Variants in STXBP5 observed in about 807,000 individuals in gnomAD.
The protein encoded by STXBP5 is syntaxin-binding protein 5.
In STXBP5, 50 loss-of-function variants were observed where a neutral mutation model predicts 152.4. The observed-to-expected ratio is 0.33, with a 90% CI of 0.26 to 0.42. STXBP5 has a LOEUF of 0.42. Among genes scored for constraint, STXBP5 ranks in the 10% least tolerant of loss-of-function variants. The probability of loss-of-function intolerance (pLI) is 1.00; values close to 1 mark genes in which losing one functional copy is unlikely to be tolerated. For synonymous variants in STXBP5, 492 were observed against 494.7 expected (o/e 0.99, Z 0.07); for missense variants, 1,167 against 1,388.6 (o/e 0.84, Z 2.54).
chr6:147,314,160 A>C, intron 12 of STXBP5, 104 bp from the exon 13 acceptor site: 7 of 1,428,670 alleles, frequency 4.9e-6, no homozygotes, highest in Non-Finnish European at 6.8e-6. Flanking sequence ...TGCAAGCAAA[A>C]TATGTTTTTC....
rs556741087 is a variant in STXBP5, at chr6:147,205,441, C to CA, written c.151-525dup. Among the ~76,000 whole-genome samples, 561 of 149,670 alleles carry CA rather than the reference C, an allele frequency of 3.7e-3. 2 individuals carry two copies. Among genetic ancestry groups the CA allele is most frequent in the African/African-American group, 0.013 (538 of 40,490 alleles). On this transcript the variant is annotated intron_variant, in intron 1 of 27. Transcript: ENST00000321680. ...TGATTATGGCCTTAATAGTAAATTGCAAAAATGTATGTTGTACTCATCTTC... is the reference window on the plus strand; with the variant it reads ...TGATTATGGCCTTAATAGTAAATTGCAAAAAATGTATGTTGTACTCATCTTC...
chr6:147,386,677 C>A lies in STXBP5; in HGVS notation c.*1922C>A, dbSNP rs942655913. 16 of 151,786 alleles carry A rather than the reference C, an allele frequency of 1.1e-4. No individual in the cohort carries two copies. The highest frequency in any genetic ancestry group is 3.9e-4 in the African/African-American group (16 of 41,396). 9.4% of individuals were successfully genotyped at this position (151,786 alleles called of 1,614,324 possible). On this transcript the variant is annotated 3_prime_UTR_variant, in exon 28 of 28. Coordinates refer to ENST00000321680, the MANE Select transcript of STXBP5 (RefSeq NM_001127715.4). ...TTATAAATTGCTTAATTTGTGTTAT[C>A]TATTATCCAGTAAACCCATAGTTCC...
At chr6:147,309,372 G>A (rs1367294564) in intron 9 of STXBP5, among the ~76,000 whole-genome samples, 1 of 152,026 alleles carries the variant, frequency 6.6e-6, no homozygotes, top group African/African-American at 2.4e-5. Context: ...CAAATGCGTG[G>A]AAATATACTC....
chr6:147,248,069 C>T (rs140618972), intron 4 of STXBP5, among the ~76,000 whole-genome samples: 5,366 of 152,194 alleles, frequency 0.035, 145 homozygotes, highest in Admixed American at 0.054. Context: ...CACCTGAGGT[C>T]AGGAGTTCAA....
In STXBP5 at chr6:147,285,411, G is replaced by C. The variant is rs189152025; in HGVS notation, c.839-5683G>C. Among the ~76,000 whole-genome samples, 76 of 151,770 alleles carry C rather than the reference G, an allele frequency of 5.0e-4. 1 individual carries two copies. The highest frequency in any genetic ancestry group is 4.7e-4 in the Non-Finnish European group (32 of 67,874). ...ATAGATGAATAAATAAACCTATCTA[G>C]ACCATAAGCAGTAATCAGAGACATT... On this transcript the variant is annotated intron_variant, in intron 8 of 27. Coordinates refer to ENST00000321680, the MANE Select transcript of STXBP5 (RefSeq NM_001127715.4).
At chr6:147,368,995 A>G (rs1785422316) in intron 25 of STXBP5, among the ~76,000 whole-genome samples, 1 of 151,956 alleles carries the variant, frequency 6.6e-6, no homozygotes, top group South Asian at 2.1e-4. Context: ...AATTTATCCT[A>G]AAATTCATAC....
chr6:147,384,633 T>C, intron 27 of STXBP5, 81 bp from the exon 28 acceptor site: 1 of 1,425,192 alleles, frequency 7.0e-7, no homozygotes, highest in Non-Finnish European at 9.8e-7. Flanking sequence ...ACATAATGTT[T>C]TGGAAAAATA....
chr6:147,389,366 C>T lies in STXBP5; in HGVS notation c.*4611C>T, dbSNP rs767007750. On this transcript the variant is annotated 3_prime_UTR_variant, in exon 28 of 28. Transcript: ENST00000321680. ...GAATTAAATGATTTTAATAACTTCC[C>T]AATTACCAGGGTTATAACATTGCTT... The T allele has an allele frequency of 6.6e-6, 1 of 151,740 alleles. No homozygotes were observed. Among genetic ancestry groups the T allele is most frequent in the African/African-American group, 2.4e-5 (1 of 41,400 alleles). 9.4% of individuals were successfully genotyped at this position (151,740 alleles called of 1,614,324 possible). A position where few individuals can be genotyped will look rare whatever the true frequency, so the allele number is the denominator to read the frequency against.
At chr6:147,354,484 A>G (rs1784729430) in intron 22 of STXBP5, among the ~76,000 whole-genome samples, 1 of 151,986 alleles carries the variant, frequency 6.6e-6, no homozygotes, top group Non-Finnish European at 1.5e-5. Context: ...AAACAGGTAT[A>G]ATTTGAAAAC....
At chr6:147,364,487 CT>C (rs1785204815) in intron 25 of STXBP5, among the ~76,000 whole-genome samples, 1 of 152,136 alleles carries the variant, frequency 6.6e-6, no homozygotes, top group Non-Finnish European at 1.5e-5. Context: ...ACACACAGTC[CT>C]TTTTAAAGAA....
In STXBP5 at chr6:147,364,224, C is replaced by T. The variant is rs144606140; in HGVS notation, c.3081+58C>T. On this transcript the variant is annotated intron_variant, in intron 25 of 27. Transcript: ENST00000321680. ...AGAGGTAAAGTATTCTCTGAGGGCC[C>T]GTATACTGTCTGCCCCTTATTCTCA... 810 of 1,448,464 alleles carry T rather than the reference C, an allele frequency of 5.6e-4. 4 individuals carry two copies. In the East Asian group the frequency reaches 0.012, roughly 22 times the overall value. The allele number at this position is 1,448,464 out of a possible 1,614,324, so 89.7% of individuals were successfully genotyped here.
chr6:147,314,523 T>A, intron 13 of STXBP5, 73 bp from the exon 14 acceptor site: 10 of 1,495,886 alleles, frequency 6.7e-6, no homozygotes, highest in Non-Finnish European at 9.1e-6. Flanking sequence ...GTTGACTTTT[T>A]AATAGCAGTA....
chr6:147,276,222 C>A (rs1348786000), intron 7 of STXBP5, among the ~76,000 whole-genome samples: 1 of 152,078 alleles, frequency 6.6e-6, no homozygotes, highest in Non-Finnish European at 1.5e-5. Context: ...TTAGAAAACA[C>A]GTCTTGTATT....
intron 2 of STXBP5, among the ~76,000 whole-genome samples, chr6:147,226,750 G>A (rs1048711868): frequency 2.6e-5 from 4 of 152,102 alleles, no homozygotes; most frequent in African/African-American, 9.7e-5. Context: ...AGACCTAACT[G>A]TTATATTGCT....
At chr6:147,236,437 CAG>C (rs1173513928) in intron 3 of STXBP5, among the ~76,000 whole-genome samples, 2 of 152,074 alleles carry the variant, frequency 1.3e-5, no homozygotes, top group African/African-American at 2.4e-5. Context: ...AAAATAGTTT[CAG>C]AGAGAGTCTG....
chr6:147,231,176 C>T (rs1337601021), intron 2 of STXBP5, among the ~76,000 whole-genome samples: 1 of 151,772 alleles, frequency 6.6e-6, no homozygotes, highest in East Asian at 1.9e-4. Flanking sequence ...TATTCATTAA[C>T]TGCTAGTTTT....
chr6:147,289,792 A>T (rs1337709784), intron 8 of STXBP5, among the ~76,000 whole-genome samples: 4 of 152,198 alleles, frequency 2.6e-5, no homozygotes, highest in Admixed American at 2.0e-4. Context: ...TACGCTGCTG[A>T]TAGAACTATA....
intron 2 of STXBP5, 33 bp downstream of exon 2, chr6:147,206,101 T>C (rs748792851): frequency 8.3e-6 from 13 of 1,574,794 alleles, no homozygotes; most frequent in Middle Eastern, 1.7e-4. Flanking sequence ...TTTTAACTTC[T>C]ACTTTGTTCT....
intron 25 of STXBP5, among the ~76,000 whole-genome samples, chr6:147,370,887 A>T (rs1276416456): frequency 6.6e-6 from 1 of 152,042 alleles, no homozygotes; most frequent in Non-Finnish European, 1.5e-5. Context: ...AAATGATTAA[A>T]ATCAGTGATT....
Sources: allele counts gnomAD v4.1 joint callset (sites outside exome capture counted in the v4.1 genomes callset), GRCh38; gene constraint gnomAD v4.1.1; transcripts MANE v1.5; gene names NCBI Gene and HGNC (gene_info 2026-07-23, HGNC 2026-07-21).